Variants in NKAIN2 observed in about 807,000 individuals in gnomAD.
NKAIN2 encodes sodium/potassium-transporting ATPase subunit beta-1-interacting protein 2.
Under a neutral mutation model 32.6 loss-of-function variants are expected in NKAIN2, and 14 were observed. The observed-to-expected ratio is 0.43, with a 90% CI of 0.28 to 0.67. The LOEUF (loss-of-function observed/expected upper bound fraction) is 0.67. NKAIN2 is among the 30% of genes least tolerant of loss of function. The pLI, the probability that NKAIN2 is intolerant of heterozygous loss-of-function variation, is 0.17. For synonymous variants in NKAIN2, 80 were observed against 87.2 expected, an observed-to-expected ratio of 0.92 and a Z score of 0.46; for missense variants, 198 against 258.3, an observed-to-expected ratio of 0.77 and a Z score of 1.60.
chr6:124,508,659 C>G (rs1292821612), intron 3 of NKAIN2, among the ~76,000 whole-genome samples: 2 of 152,018 alleles, frequency 1.3e-5, no homozygotes, highest in African/African-American at 4.8e-5. Context: ...TTGTATTAGT[C>G]TTTAGGCTGC....
At chr6:124,455,327 T>C (rs372913488) in intron 3 of NKAIN2, among the ~76,000 whole-genome samples, 1 of 152,078 alleles carries the variant, frequency 6.6e-6, no homozygotes, top group East Asian at 1.9e-4. Context: ...CCCTTGTCAG[T>C]TAACAAAGAG....
chr6:123,981,398 C>T (rs12190776), intron 1 of NKAIN2, among the ~76,000 whole-genome samples: 5 of 152,074 alleles, frequency 3.3e-5, no homozygotes, highest in East Asian at 1.9e-4. Context: ...ACCTTTCAGA[C>T]GAGGAAAAAC....
intron 1 of NKAIN2, among the ~76,000 whole-genome samples, chr6:123,891,875 T>A (rs1335615007): frequency 6.6e-6 from 1 of 152,136 alleles, no homozygotes; most frequent in Non-Finnish European, 1.5e-5. Flanking sequence ...ATAGCCTTAT[T>A]ATTGGTTGTC....
At chr6:124,624,023 A>AGGAT (rs141279969) in intron 3 of NKAIN2, among the ~76,000 whole-genome samples, 3 of 152,160 alleles carry the variant, frequency 2.0e-5, no homozygotes, top group Non-Finnish European at 4.4e-5. Flanking sequence ...ATCATGTGGA[A>AGGAT]AGATAGCTCC....
chr6:123,965,691 C>G (rs771199665), intron 1 of NKAIN2, among the ~76,000 whole-genome samples: 1 of 152,104 alleles, frequency 6.6e-6, no homozygotes, highest in Non-Finnish European at 1.5e-5. Flanking sequence ...TCCCCTTATC[C>G]CTATCAGAAT....
intron 1 of NKAIN2, among the ~76,000 whole-genome samples, chr6:124,266,448 T>G (rs1794498681): frequency 6.6e-6 from 1 of 152,036 alleles, no homozygotes; most frequent in South Asian, 2.1e-4. Context: ...CGGCTAATTT[T>G]TTGCATTTTT....
At chr6:124,679,252 G>T (rs1223650758) in intron 4 of NKAIN2, among the ~76,000 whole-genome samples, 1 of 152,038 alleles carries the variant, frequency 6.6e-6, no homozygotes, top group East Asian at 1.9e-4. Flanking sequence ...CCTGAACCCG[G>T]GACAAGGGTG....
chr6:124,013,968 T>A (rs1466752185), intron 1 of NKAIN2, among the ~76,000 whole-genome samples: 1 of 152,188 alleles, frequency 6.6e-6, no homozygotes, highest in South Asian at 2.1e-4. Context: ...GGTTTTAGTC[T>A]AGGGGTGATT....
chr6:124,092,515 T>C (rs542431998), intron 1 of NKAIN2, among the ~76,000 whole-genome samples: 2 of 152,224 alleles, frequency 1.3e-5, no homozygotes, highest in East Asian at 3.9e-4. Flanking sequence ...AATTCTTTCC[T>C]TTGTGGGGCA....
chr6:124,038,334 C>T (rs990928529), intron 1 of NKAIN2, among the ~76,000 whole-genome samples: 14 of 151,902 alleles, frequency 9.2e-5, no homozygotes. Context: ...CCTGCCTCAG[C>T]CTCCTGCGTA....
At chr6:124,546,386 C>T (rs145171010) in intron 3 of NKAIN2, among the ~76,000 whole-genome samples, 1 of 152,066 alleles carries the variant, frequency 6.6e-6, no homozygotes. Flanking sequence ...CTTTATACGT[C>T]ATCAAAAAGG....
chr6:124,807,283 A>T (rs1443277421), intron 5 of NKAIN2, among the ~76,000 whole-genome samples: 2 of 152,346 alleles, frequency 1.3e-5, no homozygotes, highest in Admixed American at 6.5e-5. Flanking sequence ...AATTATAACA[A>T]ACTATCTCTC....
intron 1 of NKAIN2, among the ~76,000 whole-genome samples, chr6:124,278,858 C>T (rs554551496): frequency 6.6e-6 from 1 of 151,460 alleles, no homozygotes; most frequent in South Asian, 2.1e-4. Flanking sequence ...CTATAATGCA[C>T]TTATGGATGT....
intron 2 of NKAIN2, among the ~76,000 whole-genome samples, chr6:124,346,100 T>A (rs1798408668): frequency 6.6e-6 from 1 of 152,174 alleles, no homozygotes; most frequent in South Asian, 2.1e-4. Context: ...TACCCAGTAG[T>A]CATTCAGGAG....
intron 3 of NKAIN2, among the ~76,000 whole-genome samples, chr6:124,374,203 A>C (rs375811135): frequency 1.3e-5 from 2 of 152,156 alleles, no homozygotes; most frequent in East Asian, 3.9e-4. Context: ...AGACTGGTAG[A>C]TTTGGTGGTA....
At chr6:124,233,226 G>GAA (rs201145523) in intron 1 of NKAIN2, among the ~76,000 whole-genome samples, 21 of 143,602 alleles carry the variant, frequency 1.5e-4, no homozygotes, top group African/African-American at 3.6e-4. Flanking sequence ...ACCTTTTAGA[G>GAA]AAAAAAAAAA....
intron 3 of NKAIN2, among the ~76,000 whole-genome samples, chr6:124,495,515 G>A (rs1226244751): frequency 6.6e-6 from 1 of 152,036 alleles, no homozygotes; most frequent in African/African-American, 2.4e-5. Flanking sequence ...TGAGCAAATA[G>A]GGAGTATGGC....
intron 1 of NKAIN2, among the ~76,000 whole-genome samples, chr6:123,833,041 C>G (rs1413021615): frequency 1.3e-5 from 2 of 152,104 alleles, no homozygotes; most frequent in Non-Finnish European, 2.9e-5. Flanking sequence ...ACCAAGTTAT[C>G]TAGATTTTCT....
chr6:124,416,589 G>T (rs1419336719), intron 3 of NKAIN2, among the ~76,000 whole-genome samples: 1 of 152,120 alleles, frequency 6.6e-6, no homozygotes, highest in African/African-American at 2.4e-5. Context: ...TGATGATCCA[G>T]GATAGTGCCA....
Sources: gnomAD v4.1 joint callset for allele counts (sites outside exome capture counted in the v4.1 genomes callset) on GRCh38, gnomAD v4.1.1 for gene constraint, MANE v1.5 for transcripts, NCBI Gene and HGNC (gene_info 2026-07-23, HGNC 2026-07-21) for gene names.